DAW1: variants seen among roughly 807,000 people sequenced by gnomAD.
DAW1 encodes dynein assembly factor with WD repeats 1.
In DAW1, 47 loss-of-function variants were observed where a neutral mutation model predicts 56.5. The ratio of observed to expected loss-of-function variants is 0.83; its 90% confidence interval spans 0.66 to 1.06. The LOEUF is 1.06. Among genes scored for constraint, DAW1 ranks in the 50% least tolerant of loss-of-function variants. The probability of loss-of-function intolerance (pLI) is 0.00; values close to 1 mark genes in which losing one functional copy is unlikely to be tolerated. For missense variants in DAW1, 505 were observed against 499.3 expected, an observed-to-expected ratio of 1.01 and a Z score of -0.11; for synonymous variants, 190 against 179.0, an observed-to-expected ratio of 1.06 and a Z score of -0.49.
intron 1 of DAW1, among the ~76,000 whole-genome samples, chr2:227,880,320 A>C (rs754220370): frequency 4.0e-5 from 6 of 151,416 alleles, no homozygotes; most frequent in Non-Finnish European, 8.8e-5. Context: ...AGGTTTAAAA[A>C]TATTTTAACA....
intron 5 of DAW1, 48 bp from the exon 6 acceptor site, chr2:227,898,134 A>G (rs756951621): frequency 1.5e-6 from 2 of 1,323,206 alleles, no homozygotes; most frequent in Admixed American, 3.9e-5. Flanking sequence ...TCAGTTTATT[A>G]TATAATGTGT....
chr2:227,891,310 C>T lies in DAW1; in HGVS notation c.314C>T (p.Ser105Leu), dbSNP rs1691262346. The change falls in exon 4 of 13, where the codon TCA becomes TTA. Residue 105 changes from serine (S) to leucine (L), a missense_variant. Transcript: ENST00000309931. The part of the protein sequence containing the change: ...LTNVALNKSG[S>L]CFITGSYDRT... ...AATGTTGCACTTAACAAATCGGGCT[C>T]ATGGTAAGATTCTCTTTTTATGTCT... The T allele has an allele frequency of 5.0e-6, 8 of 1,612,948 alleles. No individual in the cohort carries two copies. The highest frequency in any genetic ancestry group is 1.7e-5 in the Admixed American group (1 of 59,894).
chr2:227,908,813 A>G (rs1691747223), intron 10 of DAW1, among the ~76,000 whole-genome samples: 2 of 152,154 alleles, frequency 1.3e-5, no homozygotes, highest in Non-Finnish European at 2.9e-5. Context: ...TGTCATATCG[A>G]CATCACATAC....
intron 6 of DAW1, among the ~76,000 whole-genome samples, chr2:227,902,297 G>A (rs149555370): frequency 6.6e-6 from 1 of 152,264 alleles, no homozygotes; most frequent in East Asian, 1.9e-4. Context: ...GGTACGGAAG[G>A]TGCATCAGAT....
chr2:227,874,612 G>T (rs1477980415), intron 1 of DAW1, among the ~76,000 whole-genome samples: 1 of 152,026 alleles, frequency 6.6e-6, no homozygotes, highest in Non-Finnish European at 1.5e-5. Flanking sequence ...CTATCTTGTT[G>T]GTTCCTCTTC....
intron 1 of DAW1, among the ~76,000 whole-genome samples, chr2:227,881,328 T>A (rs1691004060): frequency 6.6e-6 from 1 of 152,194 alleles, no homozygotes; most frequent in African/African-American, 2.4e-5. Context: ...CAGAGAGGGA[T>A]CTGAATGTGT....
At chr2:227,873,517 A>G (rs1211005067) in intron 1 of DAW1, among the ~76,000 whole-genome samples, 1 of 152,174 alleles carries the variant, frequency 6.6e-6, no homozygotes, top group Non-Finnish European at 1.5e-5. Context: ...TGAAAATCTT[A>G]AGGGATGCTG....
chr2:227,879,739 C>CA (rs908158282), intron 1 of DAW1, among the ~76,000 whole-genome samples: 24 of 151,922 alleles, frequency 1.6e-4, no homozygotes, highest in Non-Finnish European at 8.8e-5. Flanking sequence ...ATTAACTTTT[C>CA]AAAAAATCCA....
At chr2:227,908,716 A>G (rs16824193) in intron 10 of DAW1, among the ~76,000 whole-genome samples, 308 of 152,314 alleles carry the variant, frequency 2.0e-3, no homozygotes, top group African/African-American at 7.0e-3. Context: ...TGTCTACACC[A>G]TATCCTTGAT....
At chr2:227,886,169 T>C (rs1033632730) in intron 2 of DAW1, among the ~76,000 whole-genome samples, 1 of 152,128 alleles carries the variant, frequency 6.6e-6, no homozygotes, top group Non-Finnish European at 1.5e-5. Context: ...ATTTTCTTAT[T>C]AAATACTTCA....
intron 1 of DAW1, among the ~76,000 whole-genome samples, chr2:227,880,677 C>T (rs905210055): frequency 6.6e-6 from 1 of 152,138 alleles, no homozygotes; most frequent in African/African-American, 2.4e-5. Flanking sequence ...GCTTAGATTA[C>T]CTGTTTAGGT....
At chr2:227,872,275 C>CAAAAAAAAAAAAAAAAAA (rs770519868) in intron 1 of DAW1, 1 of 45,124 alleles carries the variant, frequency 2.2e-5, no homozygotes, top group Admixed American at 2.4e-4. Context: ...GAAACATCTG[C>CAAAAAAAAAAAAAAAAAA]AAAAAAAAAA....
chr2:227,880,816 A>G (rs1286385799), intron 1 of DAW1, among the ~76,000 whole-genome samples: 2 of 152,186 alleles, frequency 1.3e-5, no homozygotes, highest in Non-Finnish European at 2.9e-5. Flanking sequence ...GTGTTGAAGG[A>G]GAAGATCCTG....
At chr2:227,914,090 A>G (rs1691895610) in intron 10 of DAW1, among the ~76,000 whole-genome samples, 1 of 151,982 alleles carries the variant, frequency 6.6e-6, no homozygotes, top group African/African-American at 2.4e-5. Flanking sequence ...TTTGATAAAC[A>G]CATAGGACCT....
intron 10 of DAW1, among the ~76,000 whole-genome samples, chr2:227,915,374 A>G (rs777479903): frequency 1.3e-5 from 2 of 152,084 alleles, no homozygotes; most frequent in African/African-American, 2.4e-5. Context: ...CAACTTAAGT[A>G]CTATGTATAT....
At chr2:227,890,189 C>T (rs1452606657) in intron 3 of DAW1, among the ~76,000 whole-genome samples, 189 bp downstream of exon 3, 1 of 152,166 alleles carries the variant, frequency 6.6e-6, no homozygotes, top group Non-Finnish European at 1.5e-5. Context: ...ATCCAAAACA[C>T]TTATTCCTTG....
At chr2:227,886,059 C>T (rs974973124) in intron 2 of DAW1, among the ~76,000 whole-genome samples, 1 of 151,058 alleles carries the variant, frequency 6.6e-6, no homozygotes, top group East Asian at 1.9e-4. Context: ...ATTGCATCCT[C>T]CGCCTCCTGA....
chr2:227,896,784 G>C (rs562123267), intron 5 of DAW1, among the ~76,000 whole-genome samples: 2 of 152,140 alleles, frequency 1.3e-5, no homozygotes, highest in East Asian at 3.9e-4. Context: ...TGTGGATATA[G>C]AGAACAGTTT....
rs1691315827 is a variant in DAW1 at position 227,893,253 on chromosome 2, G to C, written c.318-542G>C. On this transcript the variant is annotated intron_variant, in intron 4 of 12. Transcript: ENST00000309931. ...CCACTGCACTCCAGCCTGGGTGACA[G>C]AGCAAGACTCTGTCTCGGGGGTGGG... 2.1e-5 allele frequency among the ~76,000 whole-genome samples: 3 copies of C among 145,980 alleles called. No individual in the cohort carries two copies. The South Asian group carries it at 7.2e-4, about 35-fold the overall frequency.
Sources: allele counts gnomAD v4.1 joint callset (sites outside exome capture counted in the v4.1 genomes callset), GRCh38; gene constraint gnomAD v4.1.1; transcripts MANE v1.5; gene names NCBI Gene and HGNC (gene_info 2026-07-23, HGNC 2026-07-21).